Variants in MS4A14 observed in about 807,000 individuals in gnomAD.
The protein encoded by MS4A14 is membrane spanning 4-domains A14, also known as membrane-spanning 4-domains subfamily A member 14.
Under a neutral mutation model 16.7 loss-of-function variants are expected in MS4A14, and 18 were observed. The observed-to-expected ratio is 1.08, with a 90% CI of 0.75 to 1.60. The LOEUF is 1.60. Among genes scored for constraint, MS4A14 ranks in the 40% most tolerant of loss-of-function variants. The pLI, the probability that MS4A14 is intolerant of heterozygous loss-of-function variation, is 0.00. For missense variants in MS4A14, 812 were observed against 775.3 expected, an observed-to-expected ratio of 1.05 and a Z score of -0.56; for synonymous variants, 305 against 289.4, an observed-to-expected ratio of 1.05 and a Z score of -0.55.
chr11:60,405,454 T>C (rs1245750025), intron 4 of MS4A14, among the ~76,000 whole-genome samples: 1 of 152,210 alleles, frequency 6.6e-6, no homozygotes, highest in Non-Finnish European at 1.5e-5. Context: ...GGTACCATGT[T>C]ACTTCTCAAT....
In MS4A14 at chr11:60,402,079, G is replaced by T. The variant is rs562546922; in HGVS notation, c.319-833G>T. ...TTTTCTTTGTTTTTCCTTTAAAAGA[G>T]TGATATCAGTCCTGGGAGTGGGTAA... On this transcript the variant is annotated intron_variant, in intron 3 of 4. Transcript: ENST00000300187. Among the ~76,000 whole-genome samples the T allele has an allele frequency of 7.2e-5, 11 of 152,178 alleles. No homozygotes were observed. In the South Asian group the frequency reaches 2.3e-3, roughly 32 times the overall value.
At chr11:60,411,356 C>T (rs1054473833) in intron 4 of MS4A14, among the ~76,000 whole-genome samples, 3 of 152,118 alleles carry the variant, frequency 2.0e-5, no homozygotes, top group Non-Finnish European at 2.9e-5. Flanking sequence ...TTGCTTTGAG[C>T]AGCACTGACA....
intron 4 of MS4A14, among the ~76,000 whole-genome samples, chr11:60,407,084 G>A (rs866753196): frequency 1.1e-4 from 15 of 132,724 alleles, no homozygotes; most frequent in Admixed American, 1.9e-4. Flanking sequence ...GCACTGTCTC[G>A]GCTCACTGCA....
intron 2 of MS4A14, among the ~76,000 whole-genome samples, chr11:60,399,741 C>T (rs1286273599): frequency 6.6e-6 from 1 of 152,072 alleles, no homozygotes; most frequent in Non-Finnish European, 1.5e-5. Context: ...AGTGACAGGA[C>T]TTGGCAATCC....
At chr11:60,406,043 G>T (rs941972705) in intron 4 of MS4A14, 1 of 1,052,574 alleles carries the variant, frequency 9.5e-7, no homozygotes, top group South Asian at 1.8e-5. Flanking sequence ...TTCCTGTTGG[G>T]ATACTGCACA....
intron 3 of MS4A14, among the ~76,000 whole-genome samples, chr11:60,400,927 C>T (rs1040168564): frequency 4.6e-5 from 7 of 152,296 alleles, no homozygotes; most frequent in African/African-American, 1.7e-4. Flanking sequence ...AAACCTTGCT[C>T]TAACCAAAAC....
intron 4 of MS4A14, among the ~76,000 whole-genome samples, chr11:60,407,776 T>G (rs1287189515): frequency 1.3e-5 from 2 of 152,254 alleles, no homozygotes; most frequent in Non-Finnish European, 2.9e-5. Flanking sequence ...GATTATCTTC[T>G]TATTGGCCTT....
Position 60,397,969 on chromosome 11 carries a change from G to A in MS4A14, c.256G>A (p.Gly86Arg), listed in dbSNP as rs564831134. ...TGTCCTCACAGGATATCCATTCTGG[G>A]GAGCACTTATTGTGAGTACTGTCGA... ...LVVLTGYPFW[G>R]ALIFILTGYL... Residue 86 changes from glycine to arginine, a missense_variant, in exon 2 of 5, where the codon GGA becomes AGA. Gly to Arg is a moderately radical substitution (Grantham distance 125). Coordinates refer to ENST00000300187, the MANE Select transcript of MS4A14 (RefSeq NM_032597.5). 23 of 1,613,290 alleles carry A rather than the reference G, an allele frequency of 1.4e-5. No homozygotes were observed. In the South Asian group the frequency reaches 2.1e-4, roughly 15 times the overall value.
intron 3 of MS4A14, among the ~76,000 whole-genome samples, chr11:60,400,683 T>C (rs1017204580): frequency 3.9e-5 from 6 of 152,174 alleles, no homozygotes; most frequent in Admixed American, 3.9e-4. Flanking sequence ...TTGGAAACCA[T>C]TCTGCATCCC....
In MS4A14 at chr11:60,417,425, T is replaced by C. The variant is rs917818092; in HGVS notation, c.*417T>C. On this transcript the variant is annotated 3_prime_UTR_variant, in exon 5 of 5. Transcript: ENST00000300187. ...ACCAGACACTTCAGCTTCCTCAAAT[T>C]CATATAAAGAAGATGTGAATTTAAC... 6.4e-6 allele frequency: 1 copy of C among 155,404 alleles called. No individual in the cohort carries two copies. Among genetic ancestry groups the C allele is most frequent in the African/African-American group, 2.4e-5 (1 of 41,452 alleles). The allele number at this position is 155,404 out of a possible 1,614,324, so 9.6% of individuals were successfully genotyped here.
intron 4 of MS4A14, among the ~76,000 whole-genome samples, chr11:60,412,486 T>C (rs1025561287): frequency 6.6e-6 from 1 of 151,932 alleles, no homozygotes; most frequent in Non-Finnish European, 1.5e-5. Context: ...ATTTGCCCAT[T>C]TCTTATACAG....
At chr11:60,398,122 A>G in intron 2 of MS4A14, 142 bp downstream of exon 2, 1 of 746,280 alleles carries the variant, frequency 1.3e-6, no homozygotes, top group Non-Finnish European at 2.1e-6. Flanking sequence ...AAAAGAAGCA[A>G]CTCCATTTGG....
chr11:60,400,884 C>A (rs922954049), intron 3 of MS4A14, among the ~76,000 whole-genome samples: 5 of 152,184 alleles, frequency 3.3e-5, no homozygotes, highest in Non-Finnish European at 5.9e-5. Flanking sequence ...CAAAAATTAT[C>A]CAACAAAAAA....
intron 2 of MS4A14, 50 bp from the exon 3 acceptor site, chr11:60,400,354 G>C (rs767129483): frequency 7.9e-7 from 1 of 1,271,854 alleles, no homozygotes; most frequent in East Asian, 2.4e-5. Context: ...TATACTGCAA[G>C]GTGGTCAAAC....
Position 60,397,907 on chromosome 11 carries a change from T to A in MS4A14, c.194T>A (p.Leu65His). ...IIVGFGTIFALNYIGFSQRLP... is the reference protein window; with the variant it reads ...IIVGFGTIFAHNYIGFSQRLP... ...GTGGGCTTTGGAACTATATTTGCAC[T>A]TAATTACATCGGTTTCTCCCAAAGA... Residue 65 changes from leucine (L) to histidine (H), a missense_variant, in exon 2 of 5, where the codon CTT becomes CAT. Coordinates refer to ENST00000300187, the MANE Select transcript of MS4A14 (RefSeq NM_032597.5). The A allele has an allele frequency of 6.2e-7, 1 of 1,613,476 alleles. No homozygotes were observed. The highest frequency in any genetic ancestry group is 8.5e-7 in the Non-Finnish European group (1 of 1,179,548).
chr11:60,416,999 G>A lies in MS4A14; in HGVS notation c.2031G>A (p.Leu677=). 1 of 1,611,370 alleles carries A rather than the reference G, an allele frequency of 6.2e-7. No homozygotes were observed. Residue 677 remains leucine, a synonymous_variant, in exon 5 of 5, where the codon CTG becomes CTA. Coordinates refer to ENST00000300187, the MANE Select transcript of MS4A14 (RefSeq NM_032597.5). Reference sequence around the variant, plus strand: ...TCAATCTTTTGGCCAAGAATCCCCTGACTGGATAACTCAGGGCTGGAGAAA... The same window carrying A: ...TCAATCTTTTGGCCAAGAATCCCCTAACTGGATAACTCAGGGCTGGAGAAA... The part of the protein sequence containing the change: ...RTVNLLAKNP[L]TG
At chr11:60,405,085 T>C (rs1043166911) in intron 4 of MS4A14, among the ~76,000 whole-genome samples, 4 of 152,116 alleles carry the variant, frequency 2.6e-5, no homozygotes, top group African/African-American at 4.8e-5. Context: ...GACCCACTTT[T>C]TTTTTTTTTT....
intron 4 of MS4A14, among the ~76,000 whole-genome samples, chr11:60,410,473 T>G (rs75695013): frequency 2.6e-5 from 4 of 152,252 alleles, no homozygotes; most frequent in Admixed American, 2.6e-4. Context: ...AATCTATTAT[T>G]TTGTTGTTTT....
At chr11:60,401,816 A>G (rs1262357358) in intron 3 of MS4A14, among the ~76,000 whole-genome samples, 1 of 152,198 alleles carries the variant, frequency 6.6e-6, no homozygotes. Flanking sequence ...AAAGACCAAG[A>G]GAGAGATGGC....
Sources: gnomAD v4.1 joint callset for allele counts (sites outside exome capture counted in the v4.1 genomes callset) on GRCh38, gnomAD v4.1.1 for gene constraint, MANE v1.5 for transcripts, NCBI Gene and HGNC (gene_info 2026-07-23, HGNC 2026-07-21) for gene names.